The following BRSK2 variants were observed in gnomAD, a reference collection of about 807,000 sequenced individuals.
BRSK2 encodes BR serine/threonine kinase 2, also known as serine/threonine-protein kinase BRSK2.
Under a neutral mutation model 83.3 loss-of-function variants are expected in BRSK2, and 19 were observed. The observed-to-expected ratio is 0.23, with a 90% confidence interval of 0.16 to 0.33. The LOEUF is 0.33. Ranked by LOEUF, BRSK2 falls within the 10% of genes least tolerant of loss-of-function variation. The pLI is 1.00. For missense variants in BRSK2, 798 were observed against 1,042.3 expected (o/e 0.77, Z 3.23); for synonymous variants, 519 against 435.4 (o/e 1.19, Z -2.39).
At chr11:1,455,098 C>T (rs1846323696) in intron 16 of BRSK2, among the ~76,000 whole-genome samples, 1 of 152,180 alleles carries the variant, frequency 6.6e-6, no homozygotes, top group Non-Finnish European at 1.5e-5. Flanking sequence ...TGGCTCTCCA[C>T]AGAGTGGTCG....
chr11:1,416,147 C>A (rs1230453433), intron 1 of BRSK2, among the ~76,000 whole-genome samples: 3 of 152,216 alleles, frequency 2.0e-5, no homozygotes, highest in Non-Finnish European at 4.4e-5. Flanking sequence ...TATAAAATTT[C>A]TGTTTTAATT....
chr11:1,458,475 G>A (rs1191645722), intron 18 of BRSK2, among the ~76,000 whole-genome samples: 1 of 152,044 alleles, frequency 6.6e-6, no homozygotes, highest in African/African-American at 2.4e-5. Flanking sequence ...CTCCCACACT[G>A]GATGCTTTTG....
intron 1 of BRSK2, among the ~76,000 whole-genome samples, chr11:1,425,000 C>T (rs1049460458): frequency 4.6e-5 from 7 of 152,244 alleles, no homozygotes; most frequent in Middle Eastern, 3.2e-3. Context: ...GGGATTGGCG[C>T]CCAGGCCCTG....
At chr11:1,451,192 C>CA (rs533768298) in intron 14 of BRSK2, among the ~76,000 whole-genome samples, 179 bp from the exon 15 acceptor site, 368 of 152,272 alleles carry the variant, frequency 2.4e-3, no homozygotes, top group Non-Finnish European at 4.0e-3. Flanking sequence ...CTGGGGGGCG[C>CA]CACTGCCAGT....
At position 1,436,146 on chromosome 11, in the gene BRSK2, CG is replaced by C; in HGVS notation, c.186+16del. ...CGGTGCTGATGAAGGTGGGTGGGGC[CG>C]GGGAGGGAGGCGGGGCCGGCGGTGG... On this transcript the variant is annotated intron_variant, in intron 2 of 19. Coordinates refer to ENST00000528841, the MANE Select transcript of BRSK2 (RefSeq NM_001256627.2). 2 of 96,048 alleles carry C rather than the reference CG, an allele frequency of 2.1e-5. No individual in the cohort carries two copies. Among genetic ancestry groups the C allele is most frequent in the South Asian group, 1.7e-4 (1 of 5,718 alleles). The allele number at this position is 96,048 out of a possible 1,614,324, so 5.9% of individuals were successfully genotyped here. A position where few individuals can be genotyped will look rare whatever the true frequency, so the allele number is the denominator to read the frequency against.
At chr11:1,442,694 C>A in intron 5 of BRSK2, 88 bp downstream of exon 5, 1 of 1,090,826 alleles carries the variant, frequency 9.2e-7, no homozygotes, top group Non-Finnish European at 1.4e-6. Flanking sequence ...CCCCAGCCTG[C>A]CTGAGCCTCC....
chr11:1,414,266 G>A (rs965601339), intron 1 of BRSK2, among the ~76,000 whole-genome samples: 1 of 152,176 alleles, frequency 6.6e-6, no homozygotes, highest in Non-Finnish European at 1.5e-5. Context: ...GGACGGCCTG[G>A]GAGTGTCCAG....
chr11:1,458,679 TC>T (rs1353453132), intron 18 of BRSK2, among the ~76,000 whole-genome samples: 1 of 152,040 alleles, frequency 6.6e-6, no homozygotes, highest in African/African-American at 2.4e-5. Context: ...GAGTAGCCCC[TC>T]CCAGGGCCTT....
chr11:1,420,816 G>A lies in BRSK2; in HGVS notation c.92-15224G>A, dbSNP rs1848571654. 3.3e-5 allele frequency among the ~76,000 whole-genome samples: 5 copies of A among 152,210 alleles called. No homozygotes were observed. The South Asian group carries it at 1.0e-3, about 31-fold the overall frequency. The stretch of plus-strand genomic sequence containing the variant: ...CTAGGTGGGGCTGGCAGTCCTGGGG[G>A]CTCAGCCTCCATGTGGCATCCAGCA... On this transcript the variant is annotated intron_variant, in intron 1 of 19. Transcript: ENST00000528841.
rs1318109627 is a variant in BRSK2, at chr11:1,445,741, C to T, written c.1076-16C>T. ...GGGTCCGGGGGCTGTCTGGCCTGAC[C>T]TTCGTCTGTACTCAGACCCTCCCCG... On this transcript the variant is annotated splice_polypyrimidine_tract_variant and intron_variant, in intron 11 of 19. Coordinates refer to ENST00000528841, the MANE Select transcript of BRSK2 (RefSeq NM_001256627.2). The T allele has an allele frequency of 5.0e-6, 8 of 1,611,116 alleles. No individual in the cohort carries two copies. Among genetic ancestry groups the T allele is most frequent in the African/African-American group, 1.3e-5 (1 of 75,020 alleles).
Position 1,449,821 on chromosome 11 carries a change from A to T in BRSK2, c.1272A>T (p.Pro424=), listed in dbSNP as rs1482331273. The change falls in exon 13 of 20, where the codon CCA becomes CCT. Residue 424 remains proline (P), a synonymous_variant. Transcript: ENST00000528841. ...SGASSGLSTS[P]LSSPRVTPHP... is the part of the protein sequence containing the mutation. ...CCTCCTCAGGCCTTTCCACCAGCCCACTCAGCAGCCCCCGGGTGAGTGACC... is the reference window on the plus strand; with the variant it reads ...CCTCCTCAGGCCTTTCCACCAGCCCTCTCAGCAGCCCCCGGGTGAGTGACC... The T allele has an allele frequency of 1.2e-6, 2 of 1,611,116 alleles. No individual in the cohort carries two copies. The highest frequency in any genetic ancestry group is 2.7e-5 in the African/African-American group (2 of 74,628).
chr11:1,392,694 C>T lies in BRSK2; in HGVS notation c.91+2319C>T, dbSNP rs763380199. 2.3e-3 allele frequency among the ~76,000 whole-genome samples: 357 copies of T among 152,200 alleles called. 4 individuals carry two copies. Among genetic ancestry groups the T allele is most frequent in the Middle Eastern group, 3.4e-3 (1 of 294 alleles). ...AGGGGAGACCACGCAGCACCCCCAC[C>T]GGGGCCTGGAGGACGCCCTTCTAGA... is the stretch of plus-strand genomic sequence containing the variant. On this transcript the variant is annotated intron_variant, in intron 1 of 19. Transcript: ENST00000528841.
Position 1,444,994 on chromosome 11 carries a change from A to G in BRSK2, c.804A>G (p.Ile268Met), listed in dbSNP as rs374834244. ...AGCTAGAGCACATTCAGAAACACAT[A>G]TGGTATATGTAAGTAGCTTTTCCAC... ...RLTLEHIQKH[I>M]WYIGGKNEPE... Residue 268 changes from isoleucine to methionine, a missense_variant, in exon 9 of 20, where the codon ATA (isoleucine) becomes ATG (methionine). Physicochemically the swap from Ile to Met is conservative, Grantham distance 10. Transcript: ENST00000528841. The G allele has an allele frequency of 8.1e-6, 13 of 1,612,802 alleles. No individual in the cohort carries two copies. The highest frequency in any genetic ancestry group is 5.3e-5 in the African/African-American group (4 of 74,876).
intron 3 of BRSK2, 148 bp from the exon 4 acceptor site, chr11:1,440,640 G>A (rs1851091510): frequency 1.2e-5 from 12 of 1,016,298 alleles, no homozygotes; most frequent in Non-Finnish European, 1.7e-5. Context: ...CCATAGTCAG[G>A]GCTCCTCTCA....
chr11:1,459,024 C>T (rs879864390), intron 18 of BRSK2, among the ~76,000 whole-genome samples, 168 bp from the exon 19 acceptor site: 1 of 152,064 alleles, frequency 6.6e-6, no homozygotes, highest in South Asian at 2.1e-4. Flanking sequence ...CCCTTATAAG[C>T]CCCGCCCCCT....
At chr11:1,437,156 G>C (rs1380657425) in intron 2 of BRSK2, among the ~76,000 whole-genome samples, 1 of 152,046 alleles carries the variant, frequency 6.6e-6, no homozygotes, top group Non-Finnish European at 1.5e-5. Flanking sequence ...AGAGTCCCAT[G>C]CTGAATTTGG....
intron 18 of BRSK2, among the ~76,000 whole-genome samples, 165 bp from the exon 19 acceptor site, chr11:1,459,027 C>T (rs547305408): frequency 9.2e-5 from 14 of 152,214 alleles, no homozygotes; most frequent in Admixed American, 4.6e-4. Flanking sequence ...TTATAAGCCC[C>T]GCCCCCTCTG....
chr11:1,400,016 T>C (rs1475833723), intron 1 of BRSK2, among the ~76,000 whole-genome samples: 1 of 152,222 alleles, frequency 6.6e-6, no homozygotes, highest in Non-Finnish European at 1.5e-5. Flanking sequence ...TTGTAAACAT[T>C]TGGTCTGCAC....
At chr11:1,433,099 A>G (rs140110899) in intron 1 of BRSK2, among the ~76,000 whole-genome samples, 8 of 62,752 alleles carry the variant, frequency 1.3e-4, no homozygotes, top group African/African-American at 3.6e-4. Context: ...CGGTCTGGTC[A>G]GGTTTTGCCA....
Sources: gnomAD v4.1 joint callset for allele counts (sites outside exome capture counted in the v4.1 genomes callset) on GRCh38, gnomAD v4.1.1 for gene constraint, MANE v1.5 for transcripts, NCBI Gene and HGNC (gene_info 2026-07-23, HGNC 2026-07-21) for gene names.